The following SH3BP5L variants were observed in gnomAD, a reference collection of about 807,000 sequenced individuals.
SH3BP5L encodes the protein SH3 binding domain protein 5 like.
In SH3BP5L, 16 loss-of-function variants were observed where a neutral mutation model predicts 40.9. The ratio of observed to expected loss-of-function variants is 0.39; its 90% CI spans 0.27 to 0.59. The LOEUF is 0.59. Among genes scored for constraint, SH3BP5L ranks in the 20% least tolerant of loss-of-function variants. The probability of loss-of-function intolerance (pLI) is 0.53; values close to 1 mark genes in which losing one functional copy is unlikely to be tolerated. For synonymous variants in SH3BP5L, 229 were observed against 226.7 expected, an observed-to-expected ratio of 1.01 and a Z score of -0.09; for missense variants, 471 against 544.6, an observed-to-expected ratio of 0.86 and a Z score of 1.35.
rs763397627 is a variant in SH3BP5L, at chr1:248,812,419, C to T, written c.712-49G>A. On this transcript the variant is annotated intron_variant, in intron 6 of 6. Coordinates refer to ENST00000366472, the MANE Select transcript of SH3BP5L (RefSeq NM_030645.3). This position sits in a 1 kb window ranked among gnomAD's most constrained non-coding sequence, Gnocchi z 6.1. ...GGCGACCCATGGGGCACGTCTCCAC[C>T]TTCCTCAGCACTCTGCACTGAGGTC... is the stretch of plus-strand genomic sequence containing the variant. The T allele has an allele frequency of 6.9e-7, 1 of 1,451,950 alleles. No homozygotes were observed. Among genetic ancestry groups the T allele is most frequent in the Non-Finnish European group, 9.5e-7 (1 of 1,051,520 alleles). 89.9% of individuals were successfully genotyped at this position (1,451,950 alleles called of 1,614,324 possible).
rs1280353595 is a variant in SH3BP5L, at chr1:248,822,694, G to A, written c.183+2059C>T. Reference sequence around the variant, plus strand: ...TTTTTTTTTTCTGAGACGGAGTTTCGCTCTTGTCACCCAGGCTAGAGTGCA... The same window carrying A: ...TTTTTTTTTTCTGAGACGGAGTTTCACTCTTGTCACCCAGGCTAGAGTGCA... On this transcript the variant is annotated intron_variant, in intron 2 of 6. Transcript: ENST00000366472. Among the ~76,000 whole-genome samples the A allele has an allele frequency of 1.0e-4, 15 of 146,638 alleles. No individual in the cohort carries two copies. The South Asian group carries it at 1.7e-3, about 17-fold the overall frequency.
intron 2 of SH3BP5L, among the ~76,000 whole-genome samples, chr1:248,820,101 C>T (rs1423016370): frequency 6.6e-6 from 1 of 152,160 alleles, no homozygotes; most frequent in African/African-American, 2.4e-5. Flanking sequence ...CACATCTCAA[C>T]CTAGACAGTG....
chr1:248,823,631 CAGT>C (rs1374116913), intron 2 of SH3BP5L, among the ~76,000 whole-genome samples: 2 of 151,306 alleles, frequency 1.3e-5, no homozygotes, highest in African/African-American at 4.9e-5. Flanking sequence ...AGCATGGACA[CAGT>C]AGAAGAGGAA....
chr1:248,825,274 G>C lies in SH3BP5L; in HGVS notation c.-339C>G, dbSNP rs576805105. On this transcript the variant is annotated 5_prime_UTR_variant, in exon 2 of 7. Coordinates refer to ENST00000366472, the MANE Select transcript of SH3BP5L (RefSeq NM_030645.3). ...GCCTGCTAGGAGGAGCACCATTCGG[G>C]AGGGTGGAGGCAGGCGCCTCCAGGC... 3.4e-5 allele frequency: 35 copies of C among 1,042,376 alleles called. No individual in the cohort carries two copies. The highest frequency in any genetic ancestry group is 9.1e-4 in the Middle Eastern group (2 of 2,198). The allele number at this position is 1,042,376 out of a possible 1,614,324, so 64.6% of individuals were successfully genotyped here.
chr1:248,816,031 T>G, intron 4 of SH3BP5L: 1 of 159,096 alleles, frequency 6.3e-6, no homozygotes, highest in South Asian at 1.6e-4. Flanking sequence ...ATGGTAGGAT[T>G]TTGGGTGATT....
rs1664043315 is a variant in SH3BP5L, at chr1:248,814,489, T to C, written c.497A>G (p.Asp166Gly). ...GTTCAGCATCTCCTGCCACGTGGGGTCCAGTCGGTTCTTGTCAGCCATGAC... is the reference window on the plus strand; with the variant it reads ...GTTCAGCATCTCCTGCCACGTGGGGCCCAGTCGGTTCTTGTCAGCCATGAC... ...QGVMADKNRLDPTWQEMLNHA... is the reference protein window; with the variant it reads ...QGVMADKNRLGPTWQEMLNHA... Residue 166 changes from aspartate (D) to glycine (G), a missense_variant, in exon 5 of 7, where the codon GAC becomes GGC. Asp to Gly is a moderately conservative substitution (Grantham distance 94). Transcript: ENST00000366472. 1.9e-6 allele frequency: 3 copies of C among 1,613,982 alleles called. No homozygotes were observed. Among genetic ancestry groups the C allele is most frequent in the African/African-American group, 1.3e-5 (1 of 74,910 alleles).
At chr1:248,822,150 T>C (rs1664267838) in intron 2 of SH3BP5L, among the ~76,000 whole-genome samples, 1 of 152,132 alleles carries the variant, frequency 6.6e-6, no homozygotes, top group Non-Finnish European at 1.5e-5. Context: ...TCCAGAGAAA[T>C]GAACACCCAC....
intron 1 of SH3BP5L, 34 bp from the exon 2 acceptor site, chr1:248,825,400 G>T: frequency 1.0e-6 from 1 of 990,110 alleles, no homozygotes; most frequent in Non-Finnish European, 1.2e-6. Flanking sequence ...ATATGGTCAT[G>T]TCAGCATCAA....
intron 2 of SH3BP5L, among the ~76,000 whole-genome samples, chr1:248,818,364 C>A (rs1475656478): frequency 5.3e-5 from 8 of 150,222 alleles, no homozygotes; most frequent in Admixed American, 6.6e-5. Flanking sequence ...AAAAAACAAA[C>A]AAAAAAAAAA....
At chr1:248,819,773 G>T (rs1664205399) in intron 2 of SH3BP5L, among the ~76,000 whole-genome samples, 1 of 149,630 alleles carries the variant, frequency 6.7e-6, no homozygotes, top group African/African-American at 2.5e-5. Context: ...TTACAAATTT[G>T]CATTGGGCCG....
At chr1:248,815,118 T>C (rs1328378581) in intron 4 of SH3BP5L, among the ~76,000 whole-genome samples, 2 of 152,172 alleles carry the variant, frequency 1.3e-5, no homozygotes, top group African/African-American at 4.8e-5. Context: ...GTACATCTAA[T>C]ATAAGAAAAT....
chr1:248,816,951 C>T, intron 2 of SH3BP5L, 67 bp from the exon 3 acceptor site: 1 of 1,611,434 alleles, frequency 6.2e-7, no homozygotes, highest in Non-Finnish European at 8.5e-7. Flanking sequence ...CCATGCAAGG[C>T]AGGAGCAACA....
intron 5 of SH3BP5L, chr1:248,814,167 TCC>T (rs1664034182): frequency 2.1e-6 from 1 of 466,248 alleles, no homozygotes; most frequent in Non-Finnish European, 3.9e-6. Flanking sequence ...GAATGTTGAA[TCC>T]TCAGTATCCA....
At position 248,812,210 on chromosome 1, in the gene SH3BP5L, G is replaced by T; in HGVS notation, c.872C>A (p.Pro291His). 6.2e-7 allele frequency: 1 copy of T among 1,604,486 alleles called. No homozygotes were observed. The highest frequency in any genetic ancestry group is 1.1e-5 in the South Asian group (1 of 90,362). ...PHPLGPRRSSPVGAEAGPEDM... is the reference protein window; with the variant it reads ...PHPLGPRRSSHVGAEAGPEDM... ...CTCGGGTCCTGCCTCGGCCCCCACG[G>T]GGGAGGAGCGCCGAGGGCCCAGGGG... Residue 291 changes from proline to histidine, a missense_variant, in exon 7 of 7, where the codon CCC becomes CAC. Around this residue, in one of 2 missense-constraint regions of SH3BP5L, gnomAD observed 196 missense variants for 174.6 expected, o/e 1.12. Coordinates refer to ENST00000366472, the MANE Select transcript of SH3BP5L (RefSeq NM_030645.3). This position sits in a 1 kb window ranked among gnomAD's most constrained non-coding sequence, Gnocchi z 6.1.
rs972637648 is a variant in SH3BP5L, at chr1:248,817,122, C to T, written c.184-238G>A. 8.8e-6 allele frequency: 12 copies of T among 1,358,584 alleles called. No homozygotes were observed. The African/African-American group carries it at 1.3e-4, about 15-fold the overall frequency. The allele number at this position is 1,358,584 out of a possible 1,614,324, so 84.2% of individuals were successfully genotyped here. On this transcript the variant is annotated intron_variant, in intron 2 of 6. Coordinates refer to ENST00000366472, the MANE Select transcript of SH3BP5L (RefSeq NM_030645.3). Reference sequence around the variant, plus strand: ...CTACCTTGTATTGGGTAGTAAAACCCCAGTTTCAAGGATGAAGAAATTGAG... The same window carrying T: ...CTACCTTGTATTGGGTAGTAAAACCTCAGTTTCAAGGATGAAGAAATTGAG...
At position 248,812,890 on chromosome 1, in the gene SH3BP5L, T is replaced by A. The variant is rs903634801; in HGVS notation, c.711+99A>T. ...CCACCGCTAGCCGGAGGCCTCACCC[T>A]GGCCACCTCACCAAGATGGCCCAGA... On this transcript the variant is annotated intron_variant, in intron 6 of 6. Transcript: ENST00000366472. This position sits in a 1 kb window ranked among gnomAD's most constrained non-coding sequence, Gnocchi z 6.1. The A allele has an allele frequency of 2.6e-6, 3 of 1,140,764 alleles. No individual in the cohort carries two copies. The highest frequency in any genetic ancestry group is 3.2e-5 in the African/African-American group (2 of 63,036). The allele number at this position is 1,140,764 out of a possible 1,614,324, so 70.7% of individuals were successfully genotyped here.
At position 248,824,951 on chromosome 1, in the gene SH3BP5L, G is replaced by A; in HGVS notation, c.-16C>T. The A allele has an allele frequency of 1.2e-6, 2 of 1,608,508 alleles. No homozygotes were observed. Among genetic ancestry groups the A allele is most frequent in the Non-Finnish European group, 1.7e-6 (2 of 1,177,848 alleles). On this transcript the variant is annotated 5_prime_UTR_variant, in exon 2 of 7. Transcript: ENST00000366472. ...GCTCAGCCATGCTGACAGGGGGAGG[G>A]CAGAGCCCTATGCACAAGAGAGGAC... is the stretch of plus-strand genomic sequence containing the variant.
chr1:248,816,707 G>T (rs4926508), intron 3 of SH3BP5L, 45 bp from the exon 4 acceptor site: 1 of 1,613,152 alleles, frequency 6.2e-7, no homozygotes, highest in Non-Finnish European at 8.5e-7. Context: ...TTGGGTCCCA[G>T]CCCCTCTTGT....
chr1:248,822,730 T>G (rs1664283288), intron 2 of SH3BP5L, among the ~76,000 whole-genome samples: 1 of 151,448 alleles, frequency 6.6e-6, no homozygotes, highest in Non-Finnish European at 1.5e-5. Context: ...GTGGCAGATC[T>G]CAGCTCACTG....
Sources: gnomAD v4.1 joint callset for allele counts (sites outside exome capture counted in the v4.1 genomes callset) on GRCh38, gnomAD v4.1.1 for gene constraint, gnomAD v4.1.1 regional missense constraint, Gnocchi (gnomAD v3.1) non-coding constraint, MANE v1.5 for transcripts, NCBI Gene and HGNC (gene_info 2026-07-23, HGNC 2026-07-21) for gene names.